FRMPD1: variants seen among roughly 807,000 people sequenced by gnomAD.
FRMPD1 encodes the protein FERM and PDZ domain-containing protein 1.
A neutral mutation model predicts 117.8 loss-of-function variants in FRMPD1; 76 were observed. That is an observed-to-expected ratio of 0.65 (90% CI 0.54 to 0.78). The LOEUF (loss-of-function observed/expected upper bound fraction) is 0.78, where lower values mean the gene tolerates loss of function less well. Ranked by LOEUF, FRMPD1 falls within the 30% of genes least tolerant of loss-of-function variation. The probability of loss-of-function intolerance (pLI) is 0.00; values close to 1 mark genes in which losing one functional copy is unlikely to be tolerated. For synonymous variants in FRMPD1, 783 were observed against 770.4 expected (o/e 1.02, Z -0.27); for missense variants, 1,786 against 1,964.5 (o/e 0.91, Z 1.72).
chr9:37,676,076 TG>T (rs1248220659), intron 1 of FRMPD1, among the ~76,000 whole-genome samples: 1 of 152,244 alleles, frequency 6.6e-6, no homozygotes, highest in African/African-American at 2.4e-5. Flanking sequence ...AAGCTTGTTT[TG>T]TGTTCTCGCC....
chr9:37,741,924 C>G (rs990933615), intron 15 of FRMPD1, among the ~76,000 whole-genome samples: 1 of 152,232 alleles, frequency 6.6e-6, no homozygotes, highest in African/African-American at 2.4e-5. Flanking sequence ...CCAGGCTTCC[C>G]AGGCCAGGGC....
chr9:37,674,014 C>T (rs986760858), intron 1 of FRMPD1, among the ~76,000 whole-genome samples: 1 of 152,248 alleles, frequency 6.6e-6, no homozygotes, highest in Admixed American at 6.5e-5. Flanking sequence ...CATTAGGCTC[C>T]TTGCTACTTA....
At chr9:37,645,140 G>A in the FRMPD1 span, among the ~76,000 whole-genome samples, 4 of 150,826 alleles carry the variant, frequency 2.7e-5, no homozygotes, top group South Asian at 2.1e-4. Context: ...TTACAAAAGA[G>A]ATAAAAAGGC....
At chr9:37,728,008 C>T (rs1823690323) in intron 7 of FRMPD1, 2 of 152,254 alleles carry the variant, frequency 1.3e-5, no homozygotes, top group African/African-American at 4.8e-5. Flanking sequence ...GCAAGGCCCA[C>T]ATCCTCAGAG....
rs187477080 is a variant in FRMPD1, at chr9:37,703,749, G to T, written c.102-3667G>T. Reference sequence around the variant, plus strand: ...CCCTAATCTACTTTCTGTCTCTATAGATTAGTCTGTTCTAGATATTTCATG... The same window carrying T: ...CCCTAATCTACTTTCTGTCTCTATATATTAGTCTGTTCTAGATATTTCATG... On this transcript the variant is annotated intron_variant, in intron 2 of 15. Coordinates refer to ENST00000377765, the MANE Select transcript of FRMPD1 (RefSeq NM_014907.3). Among the ~76,000 whole-genome samples the T allele has an allele frequency of 5.0e-3, 765 of 152,258 alleles. 4 individuals are homozygous for T. Among genetic ancestry groups the T allele is most frequent in the African/African-American group, 0.017 (715 of 41,554 alleles).
At chr9:37,707,710 G>C in intron 3 of FRMPD1, 137 bp downstream of exon 3, 2 of 729,740 alleles carry the variant, frequency 2.7e-6, no homozygotes, top group Non-Finnish European at 4.5e-6. Context: ...ACCTAATTCT[G>C]TCTTGGGCTT....
chr9:37,710,524 G>A (rs931221521), intron 4 of FRMPD1, among the ~76,000 whole-genome samples: 2 of 152,092 alleles, frequency 1.3e-5, no homozygotes, highest in African/African-American at 4.8e-5. Context: ...TCATTACACC[G>A]ACTTTGTGTG....
At chr9:37,628,087 C>T in the FRMPD1 span, among the ~76,000 whole-genome samples, 4 of 152,218 alleles carry the variant, frequency 2.6e-5, no homozygotes, top group Non-Finnish European at 1.5e-5. Context: ...GTGAGGCATG[C>T]TGTTTTGCAC....
chr9:37,692,981 C>G (rs368475689), intron 2 of FRMPD1, among the ~76,000 whole-genome samples: 1 of 152,076 alleles, frequency 6.6e-6, no homozygotes, highest in South Asian at 2.1e-4. Flanking sequence ...ACACTTACAA[C>G]ATTTACAAAC....
At chr9:37,715,557 C>A in intron 5 of FRMPD1, 1 of 438,784 alleles carries the variant, frequency 2.3e-6, no homozygotes, top group Admixed American at 2.5e-5. Context: ...GAGATTTTAT[C>A]AGCTGAGGTC....
chr9:37,724,114 G>T, intron 6 of FRMPD1, 111 bp from the exon 7 acceptor site: 1 of 507,904 alleles, frequency 2.0e-6, no homozygotes, highest in Non-Finnish European at 3.6e-6. Context: ...GTCAGAGGTT[G>T]AGTGAGCCGA....
rs552344397 is a variant in FRMPD1 at position 37,739,947 on chromosome 9, C to A, written c.1550-131C>A. ...GGATCCCGTGTTCGTCAGTATAGGA[C>A]GGTCTTAGGCCAGCCACCCTCTGGC... On this transcript the variant is annotated intron_variant, in intron 14 of 15. Transcript: ENST00000377765. 5.8e-6 allele frequency: 4 copies of A among 690,592 alleles called. No homozygotes were observed. The East Asian group carries it at 9.9e-5, about 17-fold the overall frequency. The allele number at this position is 690,592 out of a possible 1,614,324, so 42.8% of individuals were successfully genotyped here.
chr9:37,692,128 G>A (rs371193320), intron 1 of FRMPD1, among the ~76,000 whole-genome samples: 2 of 152,282 alleles, frequency 1.3e-5, no homozygotes, highest in Middle Eastern at 6.8e-3. Context: ...TTATAAGCTA[G>A]TGTTGAATTA....
chr9:37,662,926 A>G (rs894233256), intron 1 of FRMPD1, among the ~76,000 whole-genome samples: 2 of 152,228 alleles, frequency 1.3e-5, no homozygotes, highest in African/African-American at 4.8e-5. Flanking sequence ...GAATTAATCT[A>G]TCTTTTGCCA....
At chr9:37,689,668 G>A (rs1822066507) in intron 1 of FRMPD1, among the ~76,000 whole-genome samples, 1 of 152,038 alleles carries the variant, frequency 6.6e-6, no homozygotes, top group Non-Finnish European at 1.5e-5. Context: ...TTACTTCCTT[G>A]TTTTGGAGGA....
intron 1 of FRMPD1, among the ~76,000 whole-genome samples, chr9:37,683,546 G>T (rs1479633086): frequency 1.3e-5 from 2 of 152,222 alleles, no homozygotes; most frequent in South Asian, 4.1e-4. Context: ...TTTGATGGGT[G>T]TGCAGGCAGG....
intron 1 of FRMPD1, among the ~76,000 whole-genome samples, chr9:37,665,806 C>T (rs1821141751): frequency 6.6e-6 from 1 of 152,150 alleles, no homozygotes; most frequent in Admixed American, 6.5e-5. Flanking sequence ...GGTCAGAAAC[C>T]ACTCCTGCCT....
At chr9:37,623,209 AC>A in the FRMPD1 span, among the ~76,000 whole-genome samples, 1 of 151,968 alleles carries the variant, frequency 6.6e-6, no homozygotes, top group African/African-American at 2.4e-5. Context: ...TGCTGAGACC[AC>A]TCTATGCTGT....
intron 5 of FRMPD1, among the ~76,000 whole-genome samples, chr9:37,713,583 G>GTA (rs112398852): frequency 1.4e-3 from 211 of 148,798 alleles, no homozygotes; most frequent in East Asian, 3.3e-3. Context: ...AGGTGAGACC[G>GTA]TATATATATA....
Sources: allele counts gnomAD v4.1 joint callset (sites outside exome capture counted in the v4.1 genomes callset), GRCh38; gene constraint gnomAD v4.1.1; transcripts MANE v1.5; gene names NCBI Gene and HGNC (gene_info 2026-07-23, HGNC 2026-07-21).